SLC49A3: variants seen among roughly 807,000 people sequenced by gnomAD.
SLC49A3 encodes the protein solute carrier family 49 member A3.
A neutral mutation model predicts 43.8 loss-of-function variants in SLC49A3; 50 were observed. The ratio of observed to expected loss-of-function variants is 1.14; its 90% CI spans 0.91 to 1.45. SLC49A3 has a LOEUF of 1.45. Among genes scored for constraint, SLC49A3 ranks in the 40% most tolerant of loss-of-function variants. The pLI is 0.00. For missense variants in SLC49A3, 906 were observed against 774.1 expected, an observed-to-expected ratio of 1.17 and a Z score of -2.02; for synonymous variants, 413 against 352.0, an observed-to-expected ratio of 1.17 and a Z score of -1.94.
chr4:679,377 C>T (rs1241436109), downstream of SLC49A3, among the ~76,000 whole-genome samples: 2 of 148,918 alleles, frequency 1.3e-5, no homozygotes, highest in East Asian at 4.0e-4. Context: ...TGACAGAGGG[C>T]ATGGAGACCC....
In SLC49A3 at chr4:686,513, G is replaced by C; in HGVS notation, c.294+19C>G. ...CCTGCACTGTCCCGGAGCGGGCCAT[G>C]GTGTGGGGTCTGACTCACCGCCGCA... is the stretch of plus-strand genomic sequence containing the variant. On this transcript the variant is annotated intron_variant, in intron 2 of 9. Transcript: ENST00000322224. The C allele has an allele frequency of 6.2e-7, 1 of 1,610,008 alleles. No homozygotes were observed. Among genetic ancestry groups the C allele is most frequent in the East Asian group, 2.2e-5 (1 of 44,864 alleles).
At position 682,143 on chromosome 4, in the gene SLC49A3, C is replaced by T. The variant is rs745412995; in HGVS notation, c.1495G>A (p.Glu499Lys). 1 of 1,341,784 alleles carries T rather than the reference C, an allele frequency of 7.5e-7. No homozygotes were observed. The highest frequency in any genetic ancestry group is 3.0e-5 in the East Asian group (1 of 33,666). 83.1% of individuals were successfully genotyped at this position (1,341,784 alleles called of 1,614,324 possible). A position where few individuals can be genotyped will look rare whatever the true frequency, so the allele number is the denominator to read the frequency against. ...PECTARGASL[E>K]DPRGPGSPHP... ...GGGCTCCCGGGCCCTCTGGGGTCCT[C>T]TAGCGAGGCCCCCCTCGCCGTGCAC... Residue 499 changes from glutamate (E) to lysine (K), a missense_variant, in exon 10 of 10, where the codon GAG becomes AAG. Physicochemically the swap from Glu to Lys is moderately conservative, Grantham distance 56 (BLOSUM62 1). Transcript: ENST00000322224.
chr4:680,669 A>T (rs1739379585), downstream of SLC49A3: 1 of 1,394,334 alleles, frequency 7.2e-7, no homozygotes, highest in Non-Finnish European at 1.0e-6. Flanking sequence ...ACAGTCAGCC[A>T]CCAGATGCCA....
At chr4:690,644 G>A (rs775122320), upstream of SLC49A3, among the ~76,000 whole-genome samples, 1 of 152,216 alleles carries the variant, frequency 6.6e-6, no homozygotes, top group Non-Finnish European at 1.5e-5. Context: ...ACCATGAAAT[G>A]GGGCAGCCAC....
chr4:686,794 G>T (rs1239546037), intron 1 of SLC49A3, 104 bp from the exon 2 acceptor site: 5 of 1,419,792 alleles, frequency 3.5e-6, no homozygotes, highest in Non-Finnish European at 3.8e-6. Flanking sequence ...GCCCCGTGAG[G>T]CCGAGGGGAC....
At chr4:680,132 G>C, downstream of SLC49A3, 1 of 1,053,332 alleles carries the variant, frequency 9.5e-7, no homozygotes, top group Non-Finnish European at 1.4e-6. Flanking sequence ...CCTAGGGCCT[G>C]GCACTCTGGG....
In SLC49A3 at chr4:682,108, G is replaced by A. The variant is rs1395902265; in HGVS notation, c.1530C>T (p.Ala510=). ...DPRGPGSPHP[A]CHRATPRAQG... is the part of the protein sequence containing the mutation. ...GCGCACGGGGAGTCGCTCGGTGGCA[G>A]GCTGGGTGGGGGCTCCCGGGCCCTC... The change falls in exon 10 of 10, where the codon GCC becomes GCT. Residue 510 remains alanine (A), a synonymous_variant. Transcript: ENST00000322224. 7.3e-7 allele frequency: 1 copy of A among 1,366,208 alleles called. No homozygotes were observed. The highest frequency in any genetic ancestry group is 1.8e-5 in the South Asian group (1 of 55,970). The allele number at this position is 1,366,208 out of a possible 1,614,324, so 84.6% of individuals were successfully genotyped here.
At chr4:679,147 GC>G, downstream of SLC49A3, 1 of 1,014,360 alleles carries the variant, frequency 9.9e-7, no homozygotes, top group Non-Finnish European at 1.5e-6. Context: ...CGCCTCAGAG[GC>G]CCACCAACGG....
chr4:679,064 C>T, downstream of SLC49A3: 2 of 1,579,278 alleles, frequency 1.3e-6, no homozygotes, highest in South Asian at 2.2e-5. Context: ...CCTCAGAGCC[C>T]TTGGAGGAGG....
downstream of SLC49A3, chr4:680,121 C>A: frequency 8.7e-7 from 1 of 1,150,376 alleles, no homozygotes; most frequent in Admixed American, 2.6e-5. Context: ...TCTGGAGAAG[C>A]CCTAGGGCCT....
rs758964806 is a variant in SLC49A3, at chr4:682,102, G to A, written c.1536C>T (p.His512=). 6 of 1,376,470 alleles carry A rather than the reference G, an allele frequency of 4.4e-6. No homozygotes were observed. Among genetic ancestry groups the A allele is most frequent in the Admixed American group, 6.0e-5 (2 of 33,152 alleles). 85.3% of individuals were successfully genotyped at this position (1,376,470 alleles called of 1,614,324 possible). A position where few individuals can be genotyped will look rare whatever the true frequency, so the allele number is the denominator to read the frequency against. The change falls in exon 10 of 10, where the codon CAC becomes CAT. Residue 512 remains histidine, a synonymous_variant. Transcript: ENST00000322224. ...GGCCTTGCGCACGGGGAGTCGCTCG[G>A]TGGCAGGCTGGGTGGGGGCTCCCGG... ...RGPGSPHPAC[H]RATPRAQGPA... is the part of the protein sequence containing the mutation.
intron 1 of SLC49A3, chr4:687,909 G>A (rs566834479): frequency 2.0e-5 from 3 of 152,288 alleles, no homozygotes; most frequent in East Asian, 1.9e-4. Flanking sequence ...TGGTGCTTAC[G>A]GCTCACTGTG....
downstream of SLC49A3, chr4:678,802 C>A (rs1739123807): frequency 6.2e-7 from 1 of 1,608,168 alleles, no homozygotes; most frequent in Non-Finnish European, 8.5e-7. Context: ...CCCCCACCCC[C>A]AGGAGCCTGT....
At position 685,408 on chromosome 4, in the gene SLC49A3, A is replaced by G. The variant is rs545247592; in HGVS notation, c.585+427T>C. ...AATACACACAGGCAGGCATAGAAAC[A>G]TCACACACTGGCCGGGCGCGGTGGC... is the stretch of plus-strand genomic sequence containing the variant. On this transcript the variant is annotated intron_variant, in intron 4 of 9. Transcript: ENST00000322224. The surrounding 1 kb of genome is among the most constrained non-coding windows in gnomAD (Gnocchi z 4.3). Among the ~76,000 whole-genome samples the G allele has an allele frequency of 6.6e-6, 1 of 151,590 alleles. No homozygotes were observed. Among genetic ancestry groups the G allele is most frequent in the Non-Finnish European group, 1.5e-5 (1 of 67,888 alleles).
chr4:678,239 A>G (rs2109330591), downstream of SLC49A3: 2 of 1,481,770 alleles, frequency 1.3e-6, no homozygotes, highest in Non-Finnish European at 1.8e-6. Context: ...TGTTGTGGGA[A>G]GTACGTGCCT....
chr4:683,542 C>G, intron 7 of SLC49A3, 67 bp downstream of exon 7: 1 of 1,544,282 alleles, frequency 6.5e-7, no homozygotes, highest in Non-Finnish European at 8.7e-7. Flanking sequence ...AAGCCGCCAA[C>G]CGCCCTCTCC....
At chr4:686,445 C>A in intron 2 of SLC49A3, 87 bp downstream of exon 2, 1 of 1,564,178 alleles carries the variant, frequency 6.4e-7, no homozygotes, top group African/African-American at 1.4e-5. Context: ...TGGTGGGCCC[C>A]GGTCTGGGGA....
upstream of SLC49A3, among the ~76,000 whole-genome samples, chr4:691,320 G>A (rs577708773): frequency 1.9e-4 from 28 of 146,670 alleles, no homozygotes; most frequent in Non-Finnish European, 3.1e-4. Flanking sequence ...ATGGCTGGGC[G>A]AGGTAGCTCA....
chr4:686,642 C>G lies in SLC49A3; in HGVS notation c.184G>C (p.Val62Leu), dbSNP rs565201691. The G allele has an allele frequency of 1.9e-6, 3 of 1,613,322 alleles. No homozygotes were observed. Among genetic ancestry groups the G allele is most frequent in the African/African-American group, 2.7e-5 (2 of 75,068 alleles). Residue 62 changes from valine (V) to leucine (L), a missense_variant, in exon 2 of 10, where the codon GTC becomes CTC. Physicochemically the swap from Val to Leu is conservative, Grantham distance 32. Coordinates refer to ENST00000322224, the MANE Select transcript of SLC49A3 (RefSeq NM_032219.4). ...CAGTTGATCTGCTCCATGGACAGGA[C>G]CAAGTCCTCAGCAATGACGTCAGCC... ...PVADVIAEDL[V>L]LSMEQINWLS...
Sources: allele counts gnomAD v4.1 joint callset (sites outside exome capture counted in the v4.1 genomes callset), GRCh38; gene constraint gnomAD v4.1.1; non-coding constraint Gnocchi (gnomAD v3.1); transcripts MANE v1.5; gene names NCBI Gene and HGNC (gene_info 2026-07-23, HGNC 2026-07-21).